Variants in COL6A5 observed in about 807,000 individuals in gnomAD.
COL6A5 encodes the protein collagen type VI alpha 5 chain.
In COL6A5, 48 loss-of-function variants were observed where a neutral mutation model predicts 65.6. That is an observed-to-expected ratio of 0.73 (90% CI 0.58 to 0.93). The LOEUF (loss-of-function observed/expected upper bound fraction) is 0.93, where lower values mean the gene tolerates loss of function less well. Among genes scored for constraint, COL6A5 ranks in the 40% least tolerant of loss-of-function variants. The pLI is 0.00. For missense variants in COL6A5, 914 were observed against 928.3 expected, an observed-to-expected ratio of 0.98 and a Z score of 0.20; for synonymous variants, 291 against 322.8, an observed-to-expected ratio of 0.90 and a Z score of 1.05.
intron 1 of COL6A5, among the ~76,000 whole-genome samples, chr3:130,365,913 C>T (rs1186341012): frequency 6.6e-6 from 1 of 152,158 alleles, no homozygotes; most frequent in Non-Finnish European, 1.5e-5. Context: ...TGAGAATCAC[C>T]AGCCCACAGC....
Position 130,379,824 on chromosome 3 carries a change from G to T in COL6A5, c.1074G>T (p.Ala358=), listed in dbSNP as rs965535228. Residue 358 remains alanine (A), a synonymous_variant and NMD_transcript_variant, in exon 4 of 42, where the codon GCG becomes GCT. Coordinates refer to the COL6A5 transcript ENST00000312481. ...CAGATGATGAGGTGCATGATGCTGC[G>T]CTGAACCTTCGACTGGAGGATGTAA... is the stretch of plus-strand genomic sequence containing the variant. 3.2e-6 allele frequency: 5 copies of T among 1,551,218 alleles called. No individual in the cohort carries two copies. In the African/African-American group the frequency reaches 6.9e-5, roughly 21 times the overall value.
At position 130,421,007 on chromosome 3, in the gene COL6A5, A is replaced by G. The variant is rs990069129; in HGVS notation, c.4951-146A>G. 3 of 670,032 alleles carry G rather than the reference A, an allele frequency of 4.5e-6. No individual in the cohort carries two copies. In the African/African-American group the frequency reaches 5.5e-5, roughly 12 times the overall value. 41.5% of individuals were successfully genotyped at this position (670,032 alleles called of 1,614,324 possible). A position where few individuals can be genotyped will look rare whatever the true frequency, so the allele number is the denominator to read the frequency against. Reference sequence around the variant, plus strand: ...GGAGTGAGGAAAACACAGCAACACAATGTTCCCAGGGTTCAAGGTCACCAA... The same window carrying G: ...GGAGTGAGGAAAACACAGCAACACAGTGTTCCCAGGGTTCAAGGTCACCAA... On this transcript the variant is annotated intron_variant and NMD_transcript_variant, in intron 25 of 41. Coordinates refer to the COL6A5 transcript ENST00000312481.
intron 29 of COL6A5, among the ~76,000 whole-genome samples, chr3:130,425,781 A>C (rs16827633): frequency 2.0e-5 from 3 of 151,850 alleles, no homozygotes; most frequent in African/African-American, 7.3e-5. Flanking sequence ...TGTGCTTTAC[A>C]CTCTTGATGC....
chr3:130,362,255 T>TCTCTCTCTCTCTCTCA (rs1316904467), intron 1 of COL6A5, among the ~76,000 whole-genome samples: 2 of 140,524 alleles, frequency 1.4e-5, no homozygotes, highest in African/African-American at 5.3e-5. Context: ...GGTTTCTTTC[T>TCTCTCTCTCTCTCTCA]CTCTCTCTCT....
chr3:130,463,086 C>T (rs1162128966), intron 5 of COL6A5, among the ~76,000 whole-genome samples: 2 of 152,034 alleles, frequency 1.3e-5, no homozygotes, highest in Non-Finnish European at 2.9e-5. Flanking sequence ...AGAAGACAAG[C>T]GTAGAGCTGA....
In COL6A5 at chr3:130,482,428, T is replaced by C. The variant is rs570219482; in HGVS notation, c.2329-1607T>C. Among the ~76,000 whole-genome samples the C allele has an allele frequency of 4.1e-4, 63 of 152,346 alleles. 1 individual carries two copies. Among genetic ancestry groups the C allele is most frequent in the Admixed American group, 7.2e-4 (11 of 15,302 alleles). ...TATATCTGTGTTGATACCAATACCA[T>C]GCTGTTTTGGTTACTGTAGCCTTGT... On this transcript the variant is annotated intron_variant, in intron 7 of 7. Transcript: ENST00000512836.
At chr3:130,415,471 C>G (rs1937311015) in intron 22 of COL6A5, among the ~76,000 whole-genome samples, 174 bp from the exon 23 acceptor site, 1 of 152,076 alleles carries the variant, frequency 6.6e-6, no homozygotes, top group African/African-American at 2.4e-5. Context: ...AGATCTGGAC[C>G]ACTGAGTCCA....
At chr3:130,427,182 C>T (rs1490928433), upstream of COL6A5, among the ~76,000 whole-genome samples, 1 of 152,008 alleles carries the variant, frequency 6.6e-6, no homozygotes, top group African/African-American at 2.4e-5. Flanking sequence ...ATTGAATCCT[C>T]ATTATTTTTG....
At chr3:130,409,946 A>C in intron 18 of COL6A5, 63 bp from the exon 19 acceptor site, 1 of 1,163,796 alleles carries the variant, frequency 8.6e-7, no homozygotes, top group Non-Finnish European at 1.2e-6. Context: ...TGAACATCAT[A>C]CCGTTTTGGG....
chr3:130,452,058 G>A (rs193151699), intron 4 of COL6A5, among the ~76,000 whole-genome samples: 3 of 152,240 alleles, frequency 2.0e-5, no homozygotes, highest in Admixed American at 1.3e-4. Flanking sequence ...TAGAGTGACC[G>A]TATTTTCCAT....
At chr3:130,420,997 C>T (rs1937507015) in intron 25 of COL6A5, among the ~76,000 whole-genome samples, 156 bp from the exon 26 acceptor site, 1 of 152,046 alleles carries the variant, frequency 6.6e-6, no homozygotes, top group Non-Finnish European at 1.5e-5. Context: ...GAGGAAAACA[C>T]AGCAACACAA....
At position 130,380,081 on chromosome 3, in the gene COL6A5, A is replaced by G. The variant is rs576520883; in HGVS notation, c.1300+31A>G. 2.5e-5 allele frequency: 36 copies of G among 1,412,200 alleles called. 1 individual carries two copies. The South Asian group carries it at 5.4e-4, about 21-fold the overall frequency. The allele number at this position is 1,412,200 out of a possible 1,614,324, so 87.5% of individuals were successfully genotyped here. ...TTTTTTAAAATACTTTTCTAATTAT[A>G]AAATTAATATAAGTGGTTACCTAGG... On this transcript the variant is annotated intron_variant and NMD_transcript_variant, in intron 4 of 41. Coordinates refer to the COL6A5 transcript ENST00000312481.
intron 8 of COL6A5, among the ~76,000 whole-genome samples, 158 bp downstream of exon 8, chr3:130,395,623 C>G (rs1460228687): frequency 6.6e-6 from 1 of 152,148 alleles, no homozygotes; most frequent in South Asian, 2.1e-4. Flanking sequence ...TTCTCTGCTT[C>G]CAGGAAGTTT....
intron 10 of COL6A5, 60 bp from the exon 11 acceptor site, chr3:130,400,971 C>T: frequency 1.5e-6 from 2 of 1,325,008 alleles, no homozygotes; most frequent in Admixed American, 3.1e-5. Context: ...ATTATTATGT[C>T]TTCTTCTTTT....
At chr3:130,477,091 T>A (rs1710118153) in intron 7 of COL6A5, 1 of 1,518,226 alleles carries the variant, frequency 6.6e-7, no homozygotes, top group Non-Finnish European at 8.8e-7. Context: ...AATTCAGTAA[T>A]TAATCCAATA....
exon 3 of COL6A5, chr3:130,440,223 T>C (rs1709141727): frequency 6.2e-7 from 1 of 1,613,268 alleles, no homozygotes; most frequent in Middle Eastern, 1.7e-4. Flanking sequence ...GATTCATACA[T>C]GGATGTAGTC....
exon 2 of COL6A5, chr3:130,439,530 C>T (rs1442395511): frequency 3.9e-6 from 6 of 1,549,850 alleles, no homozygotes; most frequent in Non-Finnish European, 5.2e-6. Flanking sequence ...AGTTTGACAA[C>T]ACTGGAACAT....
rs548468773 is a variant in COL6A5 at position 130,445,672 on chromosome 3, C to CG, written c.1332+2113dup. On this transcript the variant is annotated intron_variant, in intron 4 of 7. Transcript: ENST00000512836. Reference sequence around the variant, plus strand: ...GGGGAGTATCATATGAGGCCTGGTGCGGGGGGGATAATGCCTTTATCTTCG... The same window carrying CG: ...GGGGAGTATCATATGAGGCCTGGTGCGGGGGGGGATAATGCCTTTATCTTCG... Among the ~76,000 whole-genome samples, 168 of 151,942 alleles carry CG rather than the reference C, an allele frequency of 1.1e-3. 4 individuals carry two copies. In the South Asian group the frequency reaches 0.028, roughly 26 times the overall value.
intron 1 of COL6A5, 72 bp from the exon 2 acceptor site, chr3:130,373,539 T>C (rs1935640525): frequency 1.4e-6 from 1 of 707,974 alleles, no homozygotes; most frequent in Non-Finnish European, 2.5e-6. Flanking sequence ...CATGCCCTAA[T>C]ACAACTATCC....
Sources: gnomAD v4.1 joint callset for allele counts (sites outside exome capture counted in the v4.1 genomes callset) on GRCh38, gnomAD v4.1.1 for gene constraint, MANE v1.5 for transcripts, NCBI Gene and HGNC (gene_info 2026-07-23, HGNC 2026-07-21) for gene names.